The following GASK1A variants were observed in gnomAD, a reference collection of about 807,000 sequenced individuals.
The protein encoded by GASK1A is golgi associated kinase 1A.
A neutral mutation model predicts 41.2 loss-of-function variants in GASK1A; 40 were observed. The ratio of observed to expected loss-of-function variants is 0.97; its 90% CI spans 0.75 to 1.27. The LOEUF is 1.27. Ranked by LOEUF, GASK1A falls within the 50% of genes most tolerant of loss-of-function variation. The pLI, the probability that GASK1A is intolerant of heterozygous loss-of-function variation, is 0.00. For synonymous variants in GASK1A, 316 were observed against 307.1 expected, an observed-to-expected ratio of 1.03 and a Z score of -0.30; for missense variants, 678 against 745.1, an observed-to-expected ratio of 0.91 and a Z score of 1.05.
chr3:42,992,643 C>T (rs943632585), intron 1 of GASK1A, among the ~76,000 whole-genome samples: 1 of 152,206 alleles, frequency 6.6e-6, no homozygotes, highest in Non-Finnish European at 1.5e-5. Flanking sequence ...GCCTTTGCCT[C>T]ATCCCTGGGG....
chr3:43,026,909 G>C (rs2089549611), intron 1 of GASK1A, among the ~76,000 whole-genome samples: 1 of 152,102 alleles, frequency 6.6e-6, no homozygotes, highest in Admixed American at 6.6e-5. Context: ...TTTTCTAATA[G>C]GGCATATTGC....
At chr3:43,013,449 G>T (rs1451281062) in intron 1 of GASK1A, among the ~76,000 whole-genome samples, 1 of 151,664 alleles carries the variant, frequency 6.6e-6, no homozygotes, top group African/African-American at 2.4e-5. Context: ...GTTACAAGAA[G>T]GTGCAGTGGG....
Position 43,009,175 on chromosome 3 carries a change from G to T in GASK1A, c.4-23092G>T, listed in dbSNP as rs190182286. ...ATGCTTATTAGGGCAAAGCTGGGGG[G>T]TTGGACCTAGAGAGTCCAGCTCCTG... On this transcript the variant is annotated intron_variant, in intron 1 of 4. Transcript: ENST00000430121. Among the ~76,000 whole-genome samples the T allele has an allele frequency of 5.6e-3, 855 of 152,230 alleles. 6 individuals carry two copies. The highest frequency in any genetic ancestry group is 0.01 in the Non-Finnish European group (681 of 68,008).
intron 1 of GASK1A, among the ~76,000 whole-genome samples, chr3:42,981,123 A>T (rs1242166741): frequency 6.6e-6 from 1 of 152,142 alleles, no homozygotes; most frequent in African/African-American, 2.4e-5. Context: ...TCTGTGAGTC[A>T]TTGCAGCTTC....
At position 43,055,504 on chromosome 3, in the gene GASK1A, C is replaced by G. The variant is rs1272774387; in HGVS notation, c.1486C>G (p.Leu496Val). 1 of 1,552,082 alleles carries G rather than the reference C, an allele frequency of 6.4e-7. No homozygotes were observed. The highest frequency in any genetic ancestry group is 8.7e-7 in the Non-Finnish European group (1 of 1,147,062). The change falls in exon 4 of 5, where the codon CTG becomes GTG. Residue 496 changes from leucine (L) to valine (V), a missense_variant. By Grantham distance (32) the Leu-to-Val change is conservative. Coordinates refer to ENST00000430121, the MANE Select transcript of GASK1A (RefSeq NM_001129908.3). ...AGNLQHPEDKLNFRLLEGIDG... is the reference protein window; with the variant it reads ...AGNLQHPEDKVNFRLLEGIDG... ...CAACCTTCAGCACCCTGAGGACAAG[C>G]TGAACTTTCGGCTGCTGGAGGGCAT... is the stretch of plus-strand genomic sequence containing the variant.
chr3:43,005,974 T>C (rs952185563), intron 1 of GASK1A, among the ~76,000 whole-genome samples: 11 of 152,240 alleles, frequency 7.2e-5, no homozygotes, highest in African/African-American at 2.4e-4. Context: ...GCTTGGAACG[T>C]ATCTTCCAAG....
rs546539138 is a variant in GASK1A, at chr3:43,008,807, G to A, written c.4-23460G>A. On this transcript the variant is annotated intron_variant, in intron 1 of 4. Transcript: ENST00000430121. Reference sequence around the variant, plus strand: ...GCAAGTGGTGGCTCTGAGGAGGCACGTTGGTATCAGTCCCTGAAACCTCTT... The same window carrying A: ...GCAAGTGGTGGCTCTGAGGAGGCACATTGGTATCAGTCCCTGAAACCTCTT... Among the ~76,000 whole-genome samples, 159 of 152,272 alleles carry A rather than the reference G, an allele frequency of 1.0e-3. 7 individuals are homozygous for A. In the South Asian group the frequency reaches 0.029, roughly 28 times the overall value.
At chr3:43,033,640 A>T (rs988385284) in intron 2 of GASK1A, 87 bp downstream of exon 2, 2 of 1,227,726 alleles carry the variant, frequency 1.6e-6, no homozygotes, top group African/African-American at 1.5e-5. Context: ...CTGAGGTTAG[A>T]TGGTGACTCT....
At chr3:43,026,304 T>C (rs536032244) in intron 1 of GASK1A, among the ~76,000 whole-genome samples, 2 of 152,324 alleles carry the variant, frequency 1.3e-5, no homozygotes, top group Admixed American at 1.3e-4. Flanking sequence ...TGAAAACCGG[T>C]TGATTTCAAA....
At chr3:43,003,561 T>C (rs1474922469) in intron 1 of GASK1A, among the ~76,000 whole-genome samples, 2 of 150,694 alleles carry the variant, frequency 1.3e-5, no homozygotes, top group Non-Finnish European at 2.9e-5. Flanking sequence ...GCCAGAGTCA[T>C]CTGGCAGCAG....
rs186092814 is a variant in GASK1A, at chr3:43,025,737, G to A, written c.4-6530G>A. ...TGAGCACGGAAGTTGGAAAAAGGTCGTTGCTCTGAGGGCTGATTAGTCACT... is the reference window on the plus strand; with the variant it reads ...TGAGCACGGAAGTTGGAAAAAGGTCATTGCTCTGAGGGCTGATTAGTCACT... On this transcript the variant is annotated intron_variant, in intron 1 of 4. Transcript: ENST00000430121. Among the ~76,000 whole-genome samples, 33 of 152,248 alleles carry A rather than the reference G, an allele frequency of 2.2e-4. No homozygotes were observed. In the East Asian group the frequency reaches 6.2e-3, roughly 28 times the overall value.
At chr3:43,034,915 G>A (rs1379334123) in intron 2 of GASK1A, among the ~76,000 whole-genome samples, 3 of 152,034 alleles carry the variant, frequency 2.0e-5, no homozygotes, top group Admixed American at 6.6e-5. Flanking sequence ...CTGTCCTCCC[G>A]GCCTCTTGAA....
At chr3:43,048,526 AG>A (rs1362658958) in intron 2 of GASK1A, among the ~76,000 whole-genome samples, 2 of 152,188 alleles carry the variant, frequency 1.3e-5, no homozygotes, top group Non-Finnish European at 2.9e-5. Flanking sequence ...AAGCTAATGA[AG>A]GGTACAGTAA....
In GASK1A at chr3:43,032,552, C is replaced by T. The variant is rs1353405019; in HGVS notation, c.289C>T (p.His97Tyr). The T allele has an allele frequency of 6.5e-7, 1 of 1,549,346 alleles. No homozygotes were observed. Residue 97 changes from histidine (H) to tyrosine (Y), a missense_variant, in exon 2 of 5, where the codon CAT becomes TAT. Coordinates refer to ENST00000430121, the MANE Select transcript of GASK1A (RefSeq NM_001129908.3). ...CTTGGTCTGTGCTGAGGAGCAAGGC[C>T]ATAGAGCAAGAGTGGACAGAAGCAG... is the stretch of plus-strand genomic sequence containing the variant. Reference protein sequence around the residue: ...SILVCAEEQGHRARVDRSRES... With the variant: ...SILVCAEEQGYRARVDRSRES...
In GASK1A at chr3:43,056,889, A is replaced by T. The variant is rs941712432; in HGVS notation, c.*503A>T. The T allele has an allele frequency of 2.2e-4, 33 of 152,278 alleles. 1 individual carries two copies. The highest frequency in any genetic ancestry group is 2.9e-5 in the Non-Finnish European group (2 of 68,098). 9.4% of individuals were successfully genotyped at this position (152,278 alleles called of 1,614,324 possible). ...TATAGACTTTAAATTTTCAATTATT[A>T]CTCAGTTATGTTTTTGGTTTAAAAA... On this transcript the variant is annotated 3_prime_UTR_variant, in exon 5 of 5. Coordinates refer to ENST00000430121, the MANE Select transcript of GASK1A (RefSeq NM_001129908.3).
intron 2 of GASK1A, among the ~76,000 whole-genome samples, chr3:43,052,275 A>C (rs1217043717): frequency 1.3e-5 from 2 of 152,042 alleles, no homozygotes; most frequent in Non-Finnish European, 2.9e-5. Context: ...TCCACCAAAC[A>C]TTTCACAAGG....
At chr3:43,053,891 T>C in intron 3 of GASK1A, 7 of 588,754 alleles carry the variant, frequency 1.2e-5, no homozygotes, top group Non-Finnish European at 2.2e-5. Context: ...GTTTTCACTG[T>C]CTCCACTGCC....
At chr3:43,017,383 G>A (rs2089497790) in intron 1 of GASK1A, among the ~76,000 whole-genome samples, 1 of 151,050 alleles carries the variant, frequency 6.6e-6, no homozygotes, top group Non-Finnish European at 1.5e-5. Context: ...ATAGGAAGGG[G>A]CAGTGGGAAG....
intron 2 of GASK1A, among the ~76,000 whole-genome samples, chr3:43,048,931 A>C (rs1176197623): frequency 6.6e-6 from 1 of 152,214 alleles, no homozygotes. Flanking sequence ...GATTCCAAGC[A>C]ACAGAGACTA....
Sources: gnomAD v4.1 joint callset for allele counts (sites outside exome capture counted in the v4.1 genomes callset) on GRCh38, gnomAD v4.1.1 for gene constraint, MANE v1.5 for transcripts, NCBI Gene and HGNC (gene_info 2026-07-23, HGNC 2026-07-21) for gene names.